CAP2: variants seen among roughly 807,000 people sequenced by gnomAD.
CAP2 encodes the protein cyclase associated actin cytoskeleton regulatory protein 2.
A neutral mutation model predicts 57.7 loss-of-function variants in CAP2; 24 were observed. That is an observed-to-expected ratio of 0.42 (90% confidence interval 0.30 to 0.58). The LOEUF (loss-of-function observed/expected upper bound fraction) is 0.58, where lower values mean the gene tolerates loss of function less well. Among genes scored for constraint, CAP2 ranks in the 20% least tolerant of loss-of-function variants. The probability of loss-of-function intolerance (pLI) is 0.22; values close to 1 mark genes in which losing one functional copy is unlikely to be tolerated. For synonymous variants in CAP2, 194 were observed against 207.2 expected, an observed-to-expected ratio of 0.94 and a Z score of 0.55; for missense variants, 501 against 590.3, an observed-to-expected ratio of 0.85 and a Z score of 1.57.
In CAP2 at chr6:17,397,828, A is replaced by G. The variant is rs375658195; in HGVS notation, c.-2+4082A>G. On this transcript the variant is annotated intron_variant, in intron 1 of 12. Coordinates refer to ENST00000229922, the MANE Select transcript of CAP2 (RefSeq NM_006366.3). The stretch of plus-strand genomic sequence containing the variant: ...TTTGGGTTGGTTCCCATGTTTTGCT[A>G]TTACAAAGAATGCTGCTTTGAAGAC... Among the ~76,000 whole-genome samples, 4 of 151,008 alleles carry G rather than the reference A, an allele frequency of 2.6e-5. No individual in the cohort carries two copies. In the South Asian group the frequency reaches 6.2e-4, roughly 24 times the overall value.
chr6:17,429,518 A>C (rs1010688361), intron 3 of CAP2, among the ~76,000 whole-genome samples: 18 of 152,306 alleles, frequency 1.2e-4, no homozygotes, highest in African/African-American at 4.3e-4. Flanking sequence ...AGTCCCTTTA[A>C]GTTCTTTTTA....
intron 7 of CAP2, among the ~76,000 whole-genome samples, chr6:17,535,116 T>G (rs6923164): frequency 0.97 from 147,147 of 152,178 alleles, 71,325 homozygotes; most frequent in East Asian, 1. Context: ...CTGCTAAAAG[T>G]CACTGGGGGA....
chr6:17,515,575 G>A (rs989695931), intron 7 of CAP2, among the ~76,000 whole-genome samples: 3 of 152,004 alleles, frequency 2.0e-5, no homozygotes, highest in South Asian at 2.1e-4. Flanking sequence ...ATATACCCAC[G>A]TAACAAACCT....
intron 7 of CAP2, among the ~76,000 whole-genome samples, chr6:17,532,455 T>TA (rs1191128756): frequency 6.7e-6 from 1 of 149,266 alleles, no homozygotes; most frequent in African/African-American, 2.4e-5. Flanking sequence ...TTGAAAATCT[T>TA]AGAGTTTAGG....
At chr6:17,485,414 T>G (rs1761397011) in intron 4 of CAP2, among the ~76,000 whole-genome samples, 1 of 152,180 alleles carries the variant, frequency 6.6e-6, no homozygotes, top group Admixed American at 6.5e-5. Flanking sequence ...CAGCCTCTGG[T>G]TACCGGTGCC....
At chr6:17,394,611 T>A (rs898952480) in intron 1 of CAP2, among the ~76,000 whole-genome samples, 2 of 152,210 alleles carry the variant, frequency 1.3e-5, no homozygotes, top group Non-Finnish European at 2.9e-5. Flanking sequence ...CCTTTGGTTT[T>A]ATAGTTATGG....
chr6:17,540,124 G>T (rs1762865411), intron 8 of CAP2, among the ~76,000 whole-genome samples: 1 of 152,150 alleles, frequency 6.6e-6, no homozygotes, highest in Non-Finnish European at 1.5e-5. Flanking sequence ...CTGTCCTGAA[G>T]CAGTGTACAG....
intron 7 of CAP2, among the ~76,000 whole-genome samples, chr6:17,535,531 C>T (rs1762753942): frequency 6.6e-6 from 1 of 151,788 alleles, no homozygotes; most frequent in Non-Finnish European, 1.5e-5. Flanking sequence ...GCCTCGGCCT[C>T]CCAAAGTGCT....
intron 4 of CAP2, among the ~76,000 whole-genome samples, chr6:17,463,724 T>C (rs943008461): frequency 1.3e-5 from 2 of 152,210 alleles, no homozygotes; most frequent in Non-Finnish European, 2.9e-5. Flanking sequence ...CTGATCCTCA[T>C]TCTCAAAACA....
intron 3 of CAP2, among the ~76,000 whole-genome samples, chr6:17,430,594 A>G: frequency 6.7e-6 from 1 of 149,604 alleles, no homozygotes; most frequent in East Asian, 2.0e-4. Flanking sequence ...GCTTGAGTGC[A>G]GTGGCGTGAT....
At position 17,515,550 on chromosome 6, in the gene CAP2, C is replaced by T. The variant is rs553300751; in HGVS notation, c.636+1596C>T. On this transcript the variant is annotated intron_variant, in intron 7 of 12. Transcript: ENST00000229922. ...TGACGGGATCATTCACACCCCCAAA[C>T]CTCAGCATCATACAATATACCCACG... Among the ~76,000 whole-genome samples, 3 of 152,214 alleles carry T rather than the reference C, an allele frequency of 2.0e-5. No homozygotes were observed. In the East Asian group the frequency reaches 5.8e-4, roughly 29 times the overall value.
intron 6 of CAP2, among the ~76,000 whole-genome samples, chr6:17,511,680 C>T (rs1762156162): frequency 6.6e-6 from 1 of 152,146 alleles, no homozygotes; most frequent in Admixed American, 6.5e-5. Context: ...TCTCAAACTC[C>T]TAACCGCAAA....
Position 17,507,279 on chromosome 6 carries a change from C to T in CAP2, c.411C>T (p.Ser137=), listed in dbSNP as rs556554484. 7.4e-6 allele frequency: 12 copies of T among 1,614,130 alleles called. No homozygotes were observed. Among genetic ancestry groups the T allele is most frequent in the East Asian group, 2.2e-5 (1 of 44,884 alleles). ...TGTTTAATCATCTTTCGGCCGTCAG[C>T]GAAAGCATCCCTGCCCTTGGATGGA... is the stretch of plus-strand genomic sequence containing the variant. The part of the protein sequence containing the change: ...SNMFNHLSAV[S]ESIPALGWIA... Residue 137 remains serine, a synonymous_variant, in exon 5 of 13, where the codon AGC becomes AGT. Transcript: ENST00000229922.
chr6:17,429,113 G>GT (rs1192238316), intron 3 of CAP2, among the ~76,000 whole-genome samples: 11 of 152,146 alleles, frequency 7.2e-5, no homozygotes, highest in Non-Finnish European at 1.5e-4. Flanking sequence ...ACTCTAGTCT[G>GT]TTTTTTTCCT....
intron 7 of CAP2, among the ~76,000 whole-genome samples, chr6:17,527,930 T>G (rs1208910092): frequency 6.6e-6 from 1 of 152,210 alleles, no homozygotes; most frequent in Non-Finnish European, 1.5e-5. Context: ...TTCTGGACTC[T>G]ACTCTGAGGG....
Position 17,410,626 on chromosome 6 carries a change from C to T in CAP2, c.-1-10929C>T, listed in dbSNP as rs145787487. Reference sequence around the variant, plus strand: ...GAGCTGGAGTGCAGTGGCATGATCTCGGCTCACTGCAAGGTCTGCCTTCCA... The same window carrying T: ...GAGCTGGAGTGCAGTGGCATGATCTTGGCTCACTGCAAGGTCTGCCTTCCA... On this transcript the variant is annotated intron_variant, in intron 1 of 12. Transcript: ENST00000229922. Among the ~76,000 whole-genome samples the T allele has an allele frequency of 2.8e-3, 424 of 151,340 alleles. 1 individual carries two copies. The highest frequency in any genetic ancestry group is 8.7e-3 in the African/African-American group (357 of 41,148).
chr6:17,536,658 A>G (rs1179686903), intron 7 of CAP2, among the ~76,000 whole-genome samples: 1 of 152,196 alleles, frequency 6.6e-6, no homozygotes, highest in Admixed American at 6.5e-5. Context: ...CTAGGGAACC[A>G]TCTAAATCAT....
chr6:17,463,293 T>C (rs184340394), intron 4 of CAP2, among the ~76,000 whole-genome samples: 2 of 150,066 alleles, frequency 1.3e-5, no homozygotes. Flanking sequence ...GTATGCCATT[T>C]GCGAAAAAAA....
intron 3 of CAP2, among the ~76,000 whole-genome samples, chr6:17,435,543 AG>A (rs1282265833): frequency 2.7e-5 from 2 of 73,684 alleles, no homozygotes; most frequent in Non-Finnish European, 5.1e-5. Flanking sequence ...GGGTCGGGGG[AG>A]GGGGGAGGGA....
Sources: allele counts gnomAD v4.1 joint callset (sites outside exome capture counted in the v4.1 genomes callset), GRCh38; gene constraint gnomAD v4.1.1; transcripts MANE v1.5; gene names NCBI Gene and HGNC (gene_info 2026-07-23, HGNC 2026-07-21).